The following IFT88 variants were observed in gnomAD, a reference collection of about 807,000 sequenced individuals.
The protein encoded by IFT88 is intraflagellar transport 88.
Under a neutral mutation model 119.5 loss-of-function variants are expected in IFT88, and 74 were observed. That is an observed-to-expected ratio of 0.62 (90% CI 0.51 to 0.75). The LOEUF is 0.75. Ranked by LOEUF, IFT88 falls within the 30% of genes least tolerant of loss-of-function variation. The probability of loss-of-function intolerance (pLI) is 0.00; values close to 1 mark genes in which losing one functional copy is unlikely to be tolerated. For missense variants in IFT88, 961 were observed against 977.7 expected (o/e 0.98, Z 0.23); for synonymous variants, 279 against 316.7 (o/e 0.88, Z 1.26).
chr13:20,616,663 C>T (rs936241005), intron 14 of IFT88, among the ~76,000 whole-genome samples: 1 of 152,214 alleles, frequency 6.6e-6, no homozygotes, highest in African/African-American at 2.4e-5. Context: ...TCCCCATCAT[C>T]AAGCGATGCC....
intron 23 of IFT88, among the ~76,000 whole-genome samples, chr13:20,669,210 A>G (rs372387248): frequency 6.6e-6 from 1 of 152,120 alleles, no homozygotes; most frequent in Non-Finnish European, 1.5e-5. Flanking sequence ...TTAAAAAGAG[A>G]AGAGTGATGA....
intron 15 of IFT88, among the ~76,000 whole-genome samples, chr13:20,629,299 G>A (rs1266389515): frequency 1.3e-5 from 2 of 152,160 alleles, no homozygotes; most frequent in Non-Finnish European, 2.9e-5. Flanking sequence ...GTTGTATAAA[G>A]CATCAATGAG....
intron 2 of IFT88, among the ~76,000 whole-genome samples, chr13:20,578,358 C>CTTTT (rs1158499742): frequency 5.1e-4 from 40 of 78,718 alleles, no homozygotes; most frequent in Non-Finnish European, 6.7e-4. Context: ...AGTCTTGTTA[C>CTTTT]TTTTTTTTTT....
chr13:20,621,526 T>A (rs2046475604), intron 14 of IFT88, among the ~76,000 whole-genome samples: 46 of 130,786 alleles, frequency 3.5e-4, no homozygotes, highest in African/African-American at 6.0e-4. Context: ...CCTGCTGAGA[T>A]AAAAAAAAAA....
At chr13:20,623,571 T>C (rs1175683724) in intron 14 of IFT88, among the ~76,000 whole-genome samples, 2 of 152,024 alleles carry the variant, frequency 1.3e-5, no homozygotes, top group Non-Finnish European at 2.9e-5. Flanking sequence ...GCCTCCCGGG[T>C]TCACGCCATT....
chr13:20,604,258 C>CA (rs898195192), intron 12 of IFT88, among the ~76,000 whole-genome samples: 1 of 151,148 alleles, frequency 6.6e-6, no homozygotes, highest in Non-Finnish European at 1.5e-5. Context: ...ACTAACCAAA[C>CA]AAAAAAAATG....
rs1029850243 is a variant in IFT88, at chr13:20,572,226, C to CT, written c.-6-2145dup. ...TCTCTCAATCCATCTATCAAGCCAT[C>CT]TTTTTTTTTAGAGACAGAGTCTCAC... On this transcript the variant is annotated intron_variant, in intron 1 of 25. Coordinates refer to ENST00000351808, the MANE Select transcript of IFT88 (RefSeq NM_006531.5). Among the ~76,000 whole-genome samples the CT allele has an allele frequency of 7.3e-5, 11 of 150,868 alleles. No individual in the cohort carries two copies. In the South Asian group the frequency reaches 1.3e-3, roughly 17 times the overall value.
intron 11 of IFT88, among the ~76,000 whole-genome samples, chr13:20,599,846 G>A (rs1368209535): frequency 3.9e-5 from 6 of 151,970 alleles, no homozygotes; most frequent in Non-Finnish European, 7.4e-5. Flanking sequence ...AACTTAATGC[G>A]GACACAAAAT....
chr13:20,611,252 G>A (rs912242600), intron 13 of IFT88, among the ~76,000 whole-genome samples: 8 of 151,666 alleles, frequency 5.3e-5, no homozygotes, highest in Admixed American at 1.3e-4. Flanking sequence ...CAAGTAGAAA[G>A]GAAGTTCCCC....
At chr13:20,628,959 C>G (rs751146723) in intron 15 of IFT88, among the ~76,000 whole-genome samples, 2 of 151,714 alleles carry the variant, frequency 1.3e-5, no homozygotes, top group African/African-American at 4.8e-5. Context: ...TGTAAATGGC[C>G]GCTTCTAAAA....
chr13:20,625,927 T>A (rs2047221206), intron 15 of IFT88, 78 bp downstream of exon 15: 1 of 570,418 alleles, frequency 1.8e-6, no homozygotes, highest in African/African-American at 1.9e-5. Context: ...AACTCCTTTC[T>A]AGAATAATGT....
intron 13 of IFT88, among the ~76,000 whole-genome samples, chr13:20,609,488 G>T (rs1316433881): frequency 6.6e-6 from 1 of 152,138 alleles, no homozygotes; most frequent in African/African-American, 2.4e-5. Context: ...TGGGTGCGGT[G>T]GTTCAACCCT....
At chr13:20,666,478 T>C (rs953463731) in intron 23 of IFT88, among the ~76,000 whole-genome samples, 1 of 152,164 alleles carries the variant, frequency 6.6e-6, no homozygotes, top group African/African-American at 2.4e-5. Flanking sequence ...GGATAACCCA[T>C]AGGACCCACC....
intron 14 of IFT88, among the ~76,000 whole-genome samples, chr13:20,622,541 T>A (rs1033470870): frequency 3.4e-4 from 52 of 152,308 alleles, no homozygotes; most frequent in African/African-American, 1.2e-3. Context: ...TATGGTGGCG[T>A]CCCATTGTTG....
intron 3 of IFT88, among the ~76,000 whole-genome samples, chr13:20,587,759 A>C (rs1368361041): frequency 6.6e-6 from 1 of 152,042 alleles, no homozygotes; most frequent in Non-Finnish European, 1.5e-5. Context: ...TAAGATATTA[A>C]TATGTTGTTA....
chr13:20,588,230 T>G (rs569134774), intron 3 of IFT88, among the ~76,000 whole-genome samples: 71 of 152,220 alleles, frequency 4.7e-4, no homozygotes, highest in Middle Eastern at 6.8e-3. Flanking sequence ...TTTATATTAT[T>G]TTTAGCTATT....
At chr13:20,618,717 T>A (rs1017911285) in intron 14 of IFT88, among the ~76,000 whole-genome samples, 15 of 152,194 alleles carry the variant, frequency 9.9e-5, no homozygotes, top group Admixed American at 5.9e-4. Context: ...TAATGGAAAT[T>A]ACGCATAATT....
At chr13:20,581,443 T>C (rs2038623521) in intron 2 of IFT88, among the ~76,000 whole-genome samples, 1 of 152,072 alleles carries the variant, frequency 6.6e-6, no homozygotes, top group Non-Finnish European at 1.5e-5. Flanking sequence ...CCCAAAGATC[T>C]GCTAAAGTAG....
At chr13:20,653,833 GA>G (rs1156380334) in intron 20 of IFT88, 42 bp from the exon 21 acceptor site, 1 of 1,182,782 alleles carries the variant, frequency 8.5e-7, no homozygotes, top group Non-Finnish European at 1.2e-6. Context: ...GAGCATCACA[GA>G]TTTTTTTATC....
Sources: gnomAD v4.1 joint callset for allele counts (sites outside exome capture counted in the v4.1 genomes callset) on GRCh38, gnomAD v4.1.1 for gene constraint, MANE v1.5 for transcripts, NCBI Gene and HGNC (gene_info 2026-07-23, HGNC 2026-07-21) for gene names.